Variants in IRF5 observed in about 807,000 individuals in gnomAD.
IRF5 encodes interferon regulatory factor 5.
In IRF5, 24 loss-of-function variants were observed where a neutral mutation model predicts 55.1. That is an observed-to-expected ratio of 0.44 (90% confidence interval 0.32 to 0.61). IRF5 has a LOEUF of 0.61. Among genes scored for constraint, IRF5 ranks in the 20% least tolerant of loss-of-function variants. IRF5 has a pLI of 0.07. For synonymous variants in IRF5, 258 were observed against 260.2 expected, an observed-to-expected ratio of 0.99 and a Z score of 0.08; for missense variants, 499 against 658.5, an observed-to-expected ratio of 0.76 and a Z score of 2.65.
At position 128,948,905 on chromosome 7, in the gene IRF5, C is replaced by A; in HGVS notation, c.*87C>A. Reference sequence around the variant, plus strand: ...TGTGACAGCCCCGATGAGCACCTGGCTGGCTGCAGGGTCCTACCTCTGGGT... The same window carrying A: ...TGTGACAGCCCCGATGAGCACCTGGATGGCTGCAGGGTCCTACCTCTGGGT... On this transcript the variant is annotated 3_prime_UTR_variant, in exon 9 of 9. Transcript: ENST00000357234. This position sits in a 1 kb window ranked among gnomAD's most constrained non-coding sequence, Gnocchi z 4.6. 6.7e-7 allele frequency: 1 copy of A among 1,497,942 alleles called. No homozygotes were observed. The highest frequency in any genetic ancestry group is 9.0e-7 in the Non-Finnish European group (1 of 1,114,000). 92.8% of individuals were successfully genotyped at this position (1,497,942 alleles called of 1,614,324 possible). A position where few individuals can be genotyped will look rare whatever the true frequency, so the allele number is the denominator to read the frequency against.
rs1563076648 is a variant in IRF5 at position 128,947,305 on chromosome 7, AGCCGCCCACTCTGCG to A, written c.564_578del (p.Arg191_Leu195del). On this transcript the variant is annotated inframe_deletion, in exon 6 of 9. Coordinates refer to ENST00000357234, the MANE Select transcript of IRF5 (RefSeq NM_001098629.3). This position sits in a 1 kb window ranked among gnomAD's most constrained non-coding sequence, Gnocchi z 6.5. ...GATGTCAAGTGGCCGCCCACTCTGC[AGCCGCCCACTCTGCG>A]GCCGCCTACTCTGCAGCCGCCCACT... 10 of 417,074 alleles carry A rather than the reference AGCCGCCCACTCTGCG, an allele frequency of 2.4e-5. No individual in the cohort carries two copies. The highest frequency in any genetic ancestry group is 3.4e-5 in the Non-Finnish European group (10 of 294,228). The allele number at this position is 417,074 out of a possible 1,614,324, so 25.8% of individuals were successfully genotyped here.
intron 1 of IRF5, among the ~76,000 whole-genome samples, chr7:128,938,788 A>C (rs1341109348): frequency 6.6e-5 from 10 of 152,062 alleles, no homozygotes; most frequent in Non-Finnish European, 1.0e-4. Flanking sequence ...AGGAAAAGTG[A>C]GGCTAGCATG....
chr7:128,942,323 C>G (rs1226385859), intron 2 of IRF5, 47 bp downstream of exon 2: 1 of 1,550,380 alleles, frequency 6.5e-7, no homozygotes, highest in South Asian at 1.2e-5. Context: ...GCACCCTGTC[C>G]CCAGAAGAGG....
At chr7:128,942,455 CTTT>C (rs555885372) in intron 2 of IRF5, among the ~76,000 whole-genome samples, 179 bp downstream of exon 2, 1 of 144,310 alleles carries the variant, frequency 6.9e-6, no homozygotes. Flanking sequence ...CACCTTTTTC[CTTT>C]TTTTTTTTTT....
chr7:128,942,051 C>A lies in IRF5; in HGVS notation c.-11-20C>A. The A allele has an allele frequency of 6.4e-7, 1 of 1,570,466 alleles. No homozygotes were observed. Among genetic ancestry groups the A allele is most frequent in the Non-Finnish European group, 8.7e-7 (1 of 1,156,012 alleles). On this transcript the variant is annotated intron_variant, in intron 1 of 8. Transcript: ENST00000357234. ...CCACCTGCAGACCTGCTGAGGCTCC[C>A]CTCTGGCTTTCTCCTGCAGACCCCT...
Position 128,946,728 on chromosome 7 carries a change from T to C in IRF5, c.447+166T>C. On this transcript the variant is annotated intron_variant, in intron 4 of 8. Transcript: ENST00000357234. This position sits in a 1 kb window ranked among gnomAD's most constrained non-coding sequence, Gnocchi z 4.2. The stretch of plus-strand genomic sequence containing the variant: ...GAACGATAGGAGCACAGTCCCCACC[T>C]GCTCCTTCCCAGGGCATTGTCATTA... 1.6e-6 allele frequency: 1 copy of C among 642,148 alleles called. No individual in the cohort carries two copies. Among genetic ancestry groups the C allele is most frequent in the African/African-American group, 1.8e-5 (1 of 55,366 alleles). 39.8% of individuals were successfully genotyped at this position (642,148 alleles called of 1,614,324 possible). A position where few individuals can be genotyped will look rare whatever the true frequency, so the allele number is the denominator to read the frequency against.
chr7:128,941,983 C>A (rs769702290), intron 1 of IRF5, 88 bp from the exon 2 acceptor site: 2 of 964,552 alleles, frequency 2.1e-6, no homozygotes, highest in Admixed American at 2.4e-5. Context: ...GAGAGACCAT[C>A]CTTTGTGGTC....
chr7:128,948,495 G>A lies in IRF5; in HGVS notation c.1300-78G>A, dbSNP rs942246101. Reference sequence around the variant, plus strand: ...AGAATGCGGTCTATTACTCACCCCTGATGGCTGTCCTCATGCACAGCTGGA... The same window carrying A: ...AGAATGCGGTCTATTACTCACCCCTAATGGCTGTCCTCATGCACAGCTGGA... On this transcript the variant is annotated intron_variant, in intron 8 of 8. Coordinates refer to ENST00000357234, the MANE Select transcript of IRF5 (RefSeq NM_001098629.3). This position sits in a 1 kb window ranked among gnomAD's most constrained non-coding sequence, Gnocchi z 4.6. The A allele has an allele frequency of 2.4e-4, 379 of 1,575,714 alleles. 2 individuals carry two copies. Among genetic ancestry groups the A allele is most frequent in the Non-Finnish European group, 1.6e-5 (19 of 1,158,500 alleles).
chr7:128,946,591 G>A lies in IRF5; in HGVS notation c.447+29G>A, dbSNP rs1358286551. The stretch of plus-strand genomic sequence containing the variant: ...AGTGTGGGTTGAGGAGGCAGGTGGA[G>A]CCCTGGACGAGCTCTCTGCTGTCCC... On this transcript the variant is annotated intron_variant, in intron 4 of 8. Coordinates refer to ENST00000357234, the MANE Select transcript of IRF5 (RefSeq NM_001098629.3). The surrounding 1 kb of genome is among the most constrained non-coding windows in gnomAD (Gnocchi z 4.2). The A allele has an allele frequency of 6.8e-7, 1 of 1,479,986 alleles. No homozygotes were observed. The highest frequency in any genetic ancestry group is 1.8e-5 in the Admixed American group (1 of 54,952). 91.7% of individuals were successfully genotyped at this position (1,479,986 alleles called of 1,614,324 possible). A position where few individuals can be genotyped will look rare whatever the true frequency, so the allele number is the denominator to read the frequency against.
chr7:128,947,438 C>T lies in IRF5; in HGVS notation c.690C>T (p.Leu230=). 1 of 1,611,990 alleles carries T rather than the reference C, an allele frequency of 6.2e-7. No individual in the cohort carries two copies. The highest frequency in any genetic ancestry group is 8.5e-7 in the Non-Finnish European group (1 of 1,179,622). ...PGNPAGFREL[L]SEVLEPGPLP... is the part of the protein sequence containing the mutation. ...ACCCTGCTGGCTTCAGGGAGCTTCT[C>T]TCTGAGGTCCTGGAGCCTGGGCCCC... Residue 230 remains leucine, a synonymous_variant, in exon 6 of 9, where the codon CTC becomes CTT. Coordinates refer to ENST00000357234, the MANE Select transcript of IRF5 (RefSeq NM_001098629.3). The surrounding 1 kb of genome is among the most constrained non-coding windows in gnomAD (Gnocchi z 6.5).
rs1796523582 is a variant in IRF5, at chr7:128,949,769, T to C, written c.*951T>C. The C allele has an allele frequency of 1.3e-5, 2 of 152,280 alleles. No individual in the cohort carries two copies. The highest frequency in any genetic ancestry group is 4.1e-4 in the South Asian group (2 of 4,828). The allele number at this position is 152,280 out of a possible 1,614,324, so 9.4% of individuals were successfully genotyped here. A position where few individuals can be genotyped will look rare whatever the true frequency, so the allele number is the denominator to read the frequency against. On this transcript the variant is annotated 3_prime_UTR_variant, in exon 9 of 9. Transcript: ENST00000357234. Reference sequence around the variant, plus strand: ...AATATATCAGGGCAGTGCATGTAAATCATCCTGATATATTTAATATATTTA... The same window carrying C: ...AATATATCAGGGCAGTGCATGTAAACCATCCTGATATATTTAATATATTTA...
intron 2 of IRF5, chr7:128,942,944 A>G (rs1796107542): frequency 6.5e-6 from 1 of 154,306 alleles, no homozygotes; most frequent in Non-Finnish European, 1.4e-5. Flanking sequence ...TAAGATTCAG[A>G]TACATCATCA....
intron 1 of IRF5, among the ~76,000 whole-genome samples, chr7:128,941,812 A>T (rs1388940513): frequency 6.6e-6 from 1 of 152,134 alleles, no homozygotes. Context: ...GCAGTTGGAG[A>T]ATGGATGCCT....
At position 128,947,773 on chromosome 7, in the gene IRF5, C is replaced by T. The variant is rs746828797; in HGVS notation, c.832C>T (p.Arg278Trp). Residue 278 changes from arginine (R) to tryptophan (W), a missense_variant, in exon 7 of 9, where the codon CGG becomes TGG. Physicochemically the swap from Arg to Trp is moderately radical, Grantham distance 101 (BLOSUM62 -3). Transcript: ENST00000357234. This position sits in a 1 kb window ranked among gnomAD's most constrained non-coding sequence, Gnocchi z 6.5. ...GTTTCAGTACCGGGGGCGGCCACCC[C>T]GGGCCCTCACCATCAGCAACCCCCA... ...IKFQYRGRPP[R>W]ALTISNPHGC... 28 of 1,612,680 alleles carry T rather than the reference C, an allele frequency of 1.7e-5. No homozygotes were observed. The highest frequency in any genetic ancestry group is 1.6e-4 in the South Asian group (15 of 91,046).
chr7:128,946,964 AT>A lies in IRF5; in HGVS notation c.448-58del. The A allele has an allele frequency of 6.3e-7, 1 of 1,596,416 alleles. No homozygotes were observed. ...ATTTCCCCAGCCCCAGGTCAGTGGA[AT>A]AACCTGTCCTCCTTTCTCTCCCATC... On this transcript the variant is annotated intron_variant, in intron 4 of 8. Coordinates refer to ENST00000357234, the MANE Select transcript of IRF5 (RefSeq NM_001098629.3). The surrounding 1 kb of genome is among the most constrained non-coding windows in gnomAD (Gnocchi z 4.2).
chr7:128,937,872 C>CGGGGG (rs1255221978), upstream of IRF5: 1 of 146,722 alleles, frequency 6.8e-6, no homozygotes. Flanking sequence ...CGGGGCGGGG[C>CGGGGG]GGGGCACTGC....
chr7:128,942,316 C>A (rs532910255), intron 2 of IRF5, 40 bp downstream of exon 2: 14 of 1,567,948 alleles, frequency 8.9e-6, no homozygotes, highest in Non-Finnish European at 1.2e-5. Flanking sequence ...CTCCAGGGCA[C>A]CCTGTCCCCA....
chr7:128,945,942 G>T lies in IRF5; in HGVS notation c.293G>T (p.Arg98Leu). The change falls in exon 3 of 9, where the codon CGG becomes CTG. Residue 98 changes from arginine (R) to leucine (L), a missense_variant. By Grantham distance (102) the Arg-to-Leu change is moderately radical (BLOSUM62 -2). Around this residue, in one of 2 missense-constraint regions of IRF5, gnomAD observed 305 missense variants for 340.2 expected, o/e 0.90. Transcript: ENST00000357234. ...ANLRCALNKS[R>L]DFRLIYDGPR... Reference sequence around the variant, plus strand: ...CTGCGCTGTGCCCTTAACAAGAGCCGGGACTTCCGCCTCATCTACGACGGG... The same window carrying T: ...CTGCGCTGTGCCCTTAACAAGAGCCTGGACTTCCGCCTCATCTACGACGGG... The T allele has an allele frequency of 6.2e-7, 1 of 1,613,578 alleles. No homozygotes were observed.
chr7:128,939,663 G>T (rs1202133940), intron 1 of IRF5, among the ~76,000 whole-genome samples: 1 of 152,184 alleles, frequency 6.6e-6, no homozygotes, highest in African/African-American at 2.4e-5. Context: ...CAGCTCCTGG[G>T]TGGTGGTGGG....
Sources: allele counts gnomAD v4.1 joint callset (sites outside exome capture counted in the v4.1 genomes callset), GRCh38; gene constraint gnomAD v4.1.1; regional missense constraint gnomAD v4.1.1; non-coding constraint Gnocchi (gnomAD v3.1); transcripts MANE v1.5; gene names NCBI Gene and HGNC (gene_info 2026-07-23, HGNC 2026-07-21).